MEGF11: variants seen among roughly 807,000 people sequenced by gnomAD.
The protein encoded by MEGF11 is multiple EGF like domains 11.
Under a neutral mutation model 146.6 loss-of-function variants are expected in MEGF11, and 126 were observed. The observed-to-expected ratio is 0.86, with a 90% CI of 0.74 to 1.00. The LOEUF (loss-of-function observed/expected upper bound fraction) is 1.00, where lower values mean the gene tolerates loss of function less well. Among genes scored for constraint, MEGF11 ranks in the 50% least tolerant of loss-of-function variants. MEGF11 has a pLI of 0.00. For synonymous variants in MEGF11, 532 were observed against 583.4 expected (o/e 0.91, Z 1.27); for missense variants, 1,509 against 1,521.2 (o/e 0.99, Z 0.13).
At chr15:66,005,840 A>G (rs1452763412) in intron 5 of MEGF11, among the ~76,000 whole-genome samples, 1 of 152,244 alleles carries the variant, frequency 6.6e-6, no homozygotes, top group Admixed American at 6.5e-5. Flanking sequence ...TGGCTCAGCC[A>G]CTAACATGTA....
chr15:65,987,811 A>T (rs954450540), intron 5 of MEGF11, among the ~76,000 whole-genome samples: 4 of 151,326 alleles, frequency 2.6e-5, no homozygotes, highest in African/African-American at 9.7e-5. Flanking sequence ...CCTGGGTTCA[A>T]AGGATTCTCC....
chr15:66,026,417 T>C (rs961571176), intron 5 of MEGF11, among the ~76,000 whole-genome samples: 1 of 152,192 alleles, frequency 6.6e-6, no homozygotes, highest in Non-Finnish European at 1.5e-5. Context: ...GAAACGCTTG[T>C]GGAATGGATG....
intron 10 of MEGF11, among the ~76,000 whole-genome samples, chr15:65,953,833 G>A (rs942789003): frequency 3.3e-5 from 5 of 152,056 alleles, no homozygotes; most frequent in African/African-American, 1.2e-4. Flanking sequence ...GACTAGGGCA[G>A]GCATGCCACT....
intron 1 of MEGF11, among the ~76,000 whole-genome samples, chr15:66,138,427 T>C (rs117302114): frequency 5.3e-5 from 8 of 152,222 alleles, no homozygotes; most frequent in Non-Finnish European, 1.0e-4. Flanking sequence ...GAAAAATAGA[T>C]GGATAAAGCA....
intron 1 of MEGF11, among the ~76,000 whole-genome samples, chr15:66,180,891 C>T (rs1328330612): frequency 2.0e-5 from 3 of 152,196 alleles, no homozygotes; most frequent in Non-Finnish European, 4.4e-5. Flanking sequence ...CCCTAATCGG[C>T]CCTGGCTGTG....
chr15:66,202,999 C>G (rs559730756), intron 1 of MEGF11, among the ~76,000 whole-genome samples: 1 of 152,152 alleles, frequency 6.6e-6, no homozygotes, highest in African/African-American at 2.4e-5. Context: ...AGCCTACACT[C>G]TCTTAGCTAC....
chr15:65,982,321 G>GTGC lies in MEGF11; in HGVS notation c.561_562insGCA (p.Leu187_Pro188insAla). On this transcript the variant is annotated inframe_insertion, in exon 6 of 26. Coordinates refer to ENST00000395614, the MANE Select transcript of MEGF11 (RefSeq NM_001385028.1). This position sits in a 1 kb window ranked among gnomAD's most constrained non-coding sequence, Gnocchi z 5.6. ...CTGGCACCGTGTCGGCACTGGCACG[G>GTGC]CAGCTGGCATCCCTTGCCGTGGGTG... 6.5e-7 allele frequency: 1 copy of GTGC among 1,530,948 alleles called. No homozygotes were observed. The highest frequency in any genetic ancestry group is 8.8e-7 in the Non-Finnish European group (1 of 1,139,468). The allele number at this position is 1,530,948 out of a possible 1,614,324, so 94.8% of individuals were successfully genotyped here.
chr15:66,046,066 G>T (rs2084192908), intron 5 of MEGF11, among the ~76,000 whole-genome samples: 1 of 152,188 alleles, frequency 6.6e-6, no homozygotes, highest in South Asian at 2.1e-4. Context: ...TCCCACCACT[G>T]CATTCCAGCC....
chr15:66,102,540 C>T (rs4776726), intron 4 of MEGF11, among the ~76,000 whole-genome samples: 26,027 of 151,146 alleles, frequency 0.17, 2,408 homozygotes, highest in East Asian at 0.33. Context: ...AATCCTCCTG[C>T]CTCAGCCTCC....
chr15:66,016,801 G>A (rs1199311488), intron 5 of MEGF11, among the ~76,000 whole-genome samples: 1 of 152,212 alleles, frequency 6.6e-6, no homozygotes. Context: ...AATTAGCAAT[G>A]AATGAATCTT....
rs73477592 is a variant in MEGF11, at chr15:66,243,555, G to C, written c.-9+10050C>G. On this transcript the variant is annotated intron_variant, in intron 1 of 25. Transcript: ENST00000395614. ...CGATCACTGGAAGTGAGCTGGAAGA[G>C]TTGTGAGATGCCAAATTGTTGGTTT... 2.3e-3 allele frequency among the ~76,000 whole-genome samples: 349 copies of C among 152,346 alleles called. 2 individuals carry two copies. Among genetic ancestry groups the C allele is most frequent in the African/African-American group, 8.1e-3 (337 of 41,570 alleles).
At chr15:66,100,363 T>C (rs932172475) in intron 4 of MEGF11, among the ~76,000 whole-genome samples, 24 of 152,106 alleles carry the variant, frequency 1.6e-4, no homozygotes, top group Admixed American at 1.0e-3. Flanking sequence ...GAATTCTCTC[T>C]CTCCGGCACC....
intron 1 of MEGF11, among the ~76,000 whole-genome samples, chr15:66,248,482 G>A (rs2092327344): frequency 6.6e-6 from 1 of 152,174 alleles, no homozygotes; most frequent in African/African-American, 2.4e-5. Context: ...CCTATCCCAA[G>A]GTTTGGCATT....
chr15:66,131,045 G>C (rs2088626500), intron 1 of MEGF11, among the ~76,000 whole-genome samples: 1 of 152,246 alleles, frequency 6.6e-6, no homozygotes, highest in Admixed American at 6.5e-5. Flanking sequence ...TTCAGGGGAA[G>C]AGTCCATGTA....
chr15:66,178,094 A>G (rs911363739), intron 1 of MEGF11, among the ~76,000 whole-genome samples: 1 of 152,120 alleles, frequency 6.6e-6, no homozygotes, highest in Admixed American at 6.5e-5. Flanking sequence ...ACTTTGCTCA[A>G]GCAATCCTAC....
intron 5 of MEGF11, among the ~76,000 whole-genome samples, chr15:66,022,362 GT>G (rs1292757971): frequency 6.6e-6 from 1 of 152,268 alleles, no homozygotes; most frequent in Non-Finnish European, 1.5e-5. Flanking sequence ...TCAGGCAGCT[GT>G]GCTTTGACCA....
At chr15:65,969,344 G>C (rs2081224512) in intron 8 of MEGF11, among the ~76,000 whole-genome samples, 1 of 152,140 alleles carries the variant, frequency 6.6e-6, no homozygotes, top group Non-Finnish European at 1.5e-5. Flanking sequence ...GGCTCATCCT[G>C]AGCATTTCCT....
intron 1 of MEGF11, among the ~76,000 whole-genome samples, chr15:66,130,892 T>G (rs1330830919): frequency 6.6e-6 from 1 of 152,120 alleles, no homozygotes; most frequent in Non-Finnish European, 1.5e-5. Flanking sequence ...CAAAGACATA[T>G]GCTTATGAGA....
intron 9 of MEGF11, among the ~76,000 whole-genome samples, chr15:65,961,370 C>G (rs556686843): frequency 1.3e-5 from 2 of 152,170 alleles, no homozygotes; most frequent in Non-Finnish European, 2.9e-5. Flanking sequence ...GGAATCCTTC[C>G]AGAGTGGATT....
Sources: gnomAD v4.1 joint callset for allele counts (sites outside exome capture counted in the v4.1 genomes callset) on GRCh38, gnomAD v4.1.1 for gene constraint, Gnocchi (gnomAD v3.1) non-coding constraint, MANE v1.5 for transcripts, NCBI Gene and HGNC (gene_info 2026-07-23, HGNC 2026-07-21) for gene names.